The following TBC1D32 variants were observed in gnomAD, a reference collection of about 807,000 sequenced individuals.
The protein encoded by TBC1D32 is TBC1 domain family member 32.
TBC1D32 carries 151 observed loss-of-function variants against 170.3 expected under a neutral mutation model. The ratio of observed to expected loss-of-function variants is 0.89; its 90% CI spans 0.78 to 1.01. The LOEUF is 1.01. TBC1D32 is among the 50% of genes least tolerant of loss of function. The probability of loss-of-function intolerance (pLI) is 0.00; values close to 1 mark genes in which losing one functional copy is unlikely to be tolerated. For synonymous variants in TBC1D32, 498 were observed against 488.0 expected (o/e 1.02, Z -0.27); for missense variants, 1,464 against 1,457.1 (o/e 1.00, Z -0.08).
chr6:121,327,228 G>A (rs188967839), intron 1 of TBC1D32, among the ~76,000 whole-genome samples: 14 of 152,150 alleles, frequency 9.2e-5, no homozygotes, highest in South Asian at 4.2e-4. Flanking sequence ...TCAGCATCAC[G>A]CAATATACCC....
intron 22 of TBC1D32, 86 bp downstream of exon 22, chr6:121,204,989 A>T: frequency 1.4e-6 from 1 of 721,148 alleles, no homozygotes; most frequent in Non-Finnish European, 2.2e-6. Flanking sequence ...AGCTAATTTT[A>T]AATACTTTTT....
chr6:121,085,553 C>A (rs886944847), intron 31 of TBC1D32, among the ~76,000 whole-genome samples: 9 of 151,672 alleles, frequency 5.9e-5, no homozygotes, highest in African/African-American at 1.9e-4. Flanking sequence ...GATTTACCAA[C>A]CAACTCCAAA....
intron 22 of TBC1D32, among the ~76,000 whole-genome samples, chr6:121,178,759 C>A (rs1489246238): frequency 2.0e-5 from 3 of 152,146 alleles, no homozygotes; most frequent in Non-Finnish European, 2.9e-5. Context: ...TGGGTGTCTC[C>A]TGTGCTAGGA....
rs116840991 is a variant in TBC1D32, at chr6:121,306,330, A to C, written c.691-1497T>G. Among the ~76,000 whole-genome samples, 6 of 152,276 alleles carry C rather than the reference A, an allele frequency of 3.9e-5. No individual in the cohort carries two copies. In the East Asian group the frequency reaches 1.2e-3, roughly 29 times the overall value. On this transcript the variant is annotated intron_variant, in intron 5 of 31. Transcript: ENST00000398212. ...GACAGTAGACTGATTTTAAATAGAC[A>C]AACATATTGCGATACCTTAAATTTT...
intron 17 of TBC1D32, among the ~76,000 whole-genome samples, chr6:121,247,695 C>CAAAAAAAAAAAAAAAAAAAAAAAAA (rs34914027): frequency 4.3e-5 from 2 of 46,570 alleles, no homozygotes; most frequent in African/African-American, 1.0e-4. Flanking sequence ...GGCTTTAAAG[C>CAAAAAAAAAAAAAAAAAAAAAAAAA]AAAAAAAAAA....
At chr6:121,169,066 TA>T (rs1328298383) in intron 22 of TBC1D32, among the ~76,000 whole-genome samples, 1 of 25,262 alleles carries the variant, frequency 4.0e-5, no homozygotes, top group East Asian at 6.6e-3. Flanking sequence ...AGAAAAAAAA[TA>T]TTTTAAAATT....
chr6:121,172,715 GCTTGTGCATGTATACA>G (rs1177011888), intron 22 of TBC1D32, among the ~76,000 whole-genome samples: 1 of 152,176 alleles, frequency 6.6e-6, no homozygotes, highest in African/African-American at 2.4e-5. Context: ...TTAAGAACAT[GCTTGTGCATGTATACA>G]CTTGTACTAA....
At position 121,190,647 on chromosome 6, in the gene TBC1D32, C is replaced by T. The variant is rs1789878728; in HGVS notation, c.2570+14428G>A. Reference sequence around the variant, plus strand: ...GGACATATTTTGGATATGGTGAATCCTCTAGGAGTTTACTTAAAACCCAAA... The same window carrying T: ...GGACATATTTTGGATATGGTGAATCTTCTAGGAGTTTACTTAAAACCCAAA... On this transcript the variant is annotated intron_variant, in intron 22 of 31. Transcript: ENST00000398212. Among the ~76,000 whole-genome samples, 3 of 152,132 alleles carry T rather than the reference C, an allele frequency of 2.0e-5. 1 individual carries two copies. The highest frequency in any genetic ancestry group is 3.9e-4 in the East Asian group (2 of 5,164).
chr6:121,090,196 T>G (rs1382791717), intron 31 of TBC1D32, among the ~76,000 whole-genome samples: 1 of 152,188 alleles, frequency 6.6e-6, no homozygotes, highest in Non-Finnish European at 1.5e-5. Context: ...CCTCCCAAAG[T>G]GCTGGGATTA....
chr6:121,253,028 T>C (rs1225909085), intron 17 of TBC1D32, among the ~76,000 whole-genome samples: 1 of 152,082 alleles, frequency 6.6e-6, no homozygotes, highest in Non-Finnish European at 1.5e-5. Flanking sequence ...GGAAAAACTC[T>C]TCTGGGCATT....
intron 24 of TBC1D32, among the ~76,000 whole-genome samples, chr6:121,146,661 T>C (rs1393946066): frequency 6.6e-6 from 1 of 152,198 alleles, no homozygotes; most frequent in Non-Finnish European, 1.5e-5. Context: ...CATCTGCAGT[T>C]ATATTCTGGG....
intron 31 of TBC1D32, among the ~76,000 whole-genome samples, chr6:121,085,441 T>C (rs1197715708): frequency 6.6e-6 from 1 of 150,486 alleles, no homozygotes; most frequent in African/African-American, 2.4e-5. Context: ...CAATGTTTCT[T>C]CCACTATGTT....
rs1798387691 is a variant in TBC1D32, at chr6:121,252,203, C to T, written c.2018+3125G>A. ...ATCTAGAACCAGAAATACCATTTGA[C>T]CCCTCAATCCCATTACTGGGTATAT... On this transcript the variant is annotated intron_variant, in intron 17 of 31. Coordinates refer to ENST00000398212, the MANE Select transcript of TBC1D32 (RefSeq NM_152730.6). 2.6e-5 allele frequency among the ~76,000 whole-genome samples: 4 copies of T among 152,260 alleles called. No individual in the cohort carries two copies. The South Asian group carries it at 8.3e-4, about 32-fold the overall frequency.
chr6:121,189,835 C>A (rs1446757110), intron 22 of TBC1D32, among the ~76,000 whole-genome samples: 2 of 152,038 alleles, frequency 1.3e-5, no homozygotes, highest in South Asian at 4.2e-4. Context: ...CCTGAAGAGA[C>A]TGCTAGGCCC....
chr6:121,119,571 CATTTA>C (rs1405381255), intron 26 of TBC1D32, among the ~76,000 whole-genome samples: 9 of 152,080 alleles, frequency 5.9e-5, no homozygotes, highest in South Asian at 2.1e-4. Flanking sequence ...CTGAAAGGGC[CATTTA>C]ATTTATCATT....
intron 22 of TBC1D32, among the ~76,000 whole-genome samples, chr6:121,192,714 C>A (rs557773327): frequency 6.6e-6 from 1 of 152,198 alleles, no homozygotes; most frequent in South Asian, 2.1e-4. Flanking sequence ...TGTGGTAGGA[C>A]CATGATGAAG....
At chr6:121,256,357 C>T in intron 15 of TBC1D32, 72 bp from the exon 16 acceptor site, 2 of 1,332,706 alleles carry the variant, frequency 1.5e-6, no homozygotes, top group East Asian at 2.3e-5. Context: ...ACCAAAAAGG[C>T]TAGTCTTGTC....
chr6:121,250,581 A>G (rs911560393), intron 17 of TBC1D32, among the ~76,000 whole-genome samples: 1 of 152,098 alleles, frequency 6.6e-6, no homozygotes, highest in Non-Finnish European at 1.5e-5. Flanking sequence ...TTGATGGAAC[A>G]TATCTCAAAA....
chr6:121,174,293 G>A (rs1787455344), intron 22 of TBC1D32, among the ~76,000 whole-genome samples: 1 of 152,064 alleles, frequency 6.6e-6, no homozygotes, highest in African/African-American at 2.4e-5. Flanking sequence ...ATTTCTTGAA[G>A]AGAAAACTGA....
Sources: gnomAD v4.1 joint callset for allele counts (sites outside exome capture counted in the v4.1 genomes callset) on GRCh38, gnomAD v4.1.1 for gene constraint, MANE v1.5 for transcripts, NCBI Gene and HGNC (gene_info 2026-07-23, HGNC 2026-07-21) for gene names.